Variants in GNB1L observed in about 807,000 individuals in gnomAD.
GNB1L encodes G protein subunit beta 1 like.
GNB1L carries 20 observed loss-of-function variants against 29.1 expected under a neutral mutation model. That is an observed-to-expected ratio of 0.69 (90% CI 0.48 to 1.00). The LOEUF (loss-of-function observed/expected upper bound fraction) is 1.00. Ranked by LOEUF, GNB1L falls within the 50% of genes least tolerant of loss-of-function variation. The pLI is 0.00. For missense variants in GNB1L, 421 were observed against 464.9 expected (o/e 0.91, Z 0.87); for synonymous variants, 193 against 206.5 (o/e 0.93, Z 0.56).
intron 2 of GNB1L, among the ~76,000 whole-genome samples, chr22:19,842,682 T>C (rs1186822230): frequency 1.3e-5 from 2 of 152,232 alleles, no homozygotes; most frequent in Non-Finnish European, 2.9e-5. Context: ...GTCCCTATCC[T>C]GTTACCTGCC....
chr22:19,829,822 C>T (rs1278155684), intron 2 of GNB1L, among the ~76,000 whole-genome samples: 1 of 152,028 alleles, frequency 6.6e-6, no homozygotes, highest in Admixed American at 6.6e-5. Flanking sequence ...AACAAACAGA[C>T]ATTGATGCAT....
intron 2 of GNB1L, chr22:19,848,141 A>C: frequency 1.0e-6 from 1 of 984,764 alleles, no homozygotes; most frequent in Non-Finnish European, 1.2e-6. Context: ...TTCCTATTTT[A>C]AAGTTTTCCT....
intron 2 of GNB1L, among the ~76,000 whole-genome samples, chr22:19,836,505 A>G (rs1184413854): frequency 6.6e-6 from 1 of 152,240 alleles, no homozygotes; most frequent in Non-Finnish European, 1.5e-5. Context: ...AAAACAGAAA[A>G]AGAGAGAACA....
intron 2 of GNB1L, among the ~76,000 whole-genome samples, chr22:19,835,386 A>C (rs1023968173): frequency 2.4e-4 from 36 of 150,682 alleles, no homozygotes; most frequent in Admixed American, 2.0e-3. Context: ...AAAAAAAAAA[A>C]AACAAACAAA....
At chr22:19,809,700 C>T (rs1018496817) in intron 5 of GNB1L, among the ~76,000 whole-genome samples, 4 of 152,196 alleles carry the variant, frequency 2.6e-5, no homozygotes, top group African/African-American at 7.2e-5. Context: ...ACCGAGGAAG[C>T]GAAACACACC....
At chr22:19,810,855 C>T (rs557961944) in intron 5 of GNB1L, among the ~76,000 whole-genome samples, 4 of 152,220 alleles carry the variant, frequency 2.6e-5, no homozygotes, top group Non-Finnish European at 4.4e-5. Flanking sequence ...CGGGAAAAGA[C>T]AGATGCTGCC....
At chr22:19,854,177 G>A (rs1193236216) in intron 2 of GNB1L, among the ~76,000 whole-genome samples, 1 of 152,188 alleles carries the variant, frequency 6.6e-6, no homozygotes, top group East Asian at 1.9e-4. Context: ...TGGCATAGAA[G>A]ACTTTCGGCC....
chr22:19,805,898 G>A (rs1238790241), intron 6 of GNB1L, among the ~76,000 whole-genome samples: 1 of 152,224 alleles, frequency 6.6e-6, no homozygotes, highest in Non-Finnish European at 1.5e-5. Flanking sequence ...CAGGGCTGAG[G>A]GGCTCTTTGC....
At position 19,806,670 on chromosome 22, in the gene GNB1L, G is replaced by C; in HGVS notation, c.505C>G (p.Arg169Gly). The C allele has an allele frequency of 6.2e-7, 1 of 1,609,894 alleles. No individual in the cohort carries two copies. Among genetic ancestry groups the C allele is most frequent in the Non-Finnish European group, 8.5e-7 (1 of 1,177,130 alleles). Residue 169 changes from arginine (R) to glycine (G), a missense_variant, in exon 6 of 8, where the codon CGG (arginine) becomes GGG (glycine). Arg to Gly is a moderately radical substitution (Grantham distance 125). Coordinates refer to ENST00000329517, the MANE Select transcript of GNB1L (RefSeq NM_053004.3). ...DAKLGMPMCL[R>G]LWQADCSSRP... ...ACGCGGGGCCTTACCTGCCACAGCC[G>C]CAGGCACATGGGCATGCCCAGCTTG...
rs1601362299 is a variant in GNB1L at position 19,854,834 on chromosome 22, C to A, written c.-132G>T. On this transcript the variant is annotated 5_prime_UTR_variant, in exon 1 of 8. Transcript: ENST00000329517. ...TCCACACTGACCCTCTTGCCGGAGT[C>A]GGGAACGCCTGCTCCTAGGAGCGCC... The A allele has an allele frequency of 1.3e-5, 2 of 152,432 alleles. No individual in the cohort carries two copies. Among genetic ancestry groups the A allele is most frequent in the Admixed American group, 1.3e-4 (2 of 15,310 alleles). 9.4% of individuals were successfully genotyped at this position (152,432 alleles called of 1,614,324 possible). A position where few individuals can be genotyped will look rare whatever the true frequency, so the allele number is the denominator to read the frequency against.
chr22:19,794,842 G>A (rs1937288556), intron 7 of GNB1L, among the ~76,000 whole-genome samples: 1 of 152,140 alleles, frequency 6.6e-6, no homozygotes, highest in East Asian at 1.9e-4. Flanking sequence ...TTAGCCGGGT[G>A]TGGTGGCGTG....
At chr22:19,850,341 T>C in intron 2 of GNB1L, 1 of 985,496 alleles carries the variant, frequency 1.0e-6, no homozygotes, top group Non-Finnish European at 1.2e-6. Flanking sequence ...AGGAGGGAGA[T>C]CCAAGTCATT....
In GNB1L at chr22:19,821,334, G is replaced by A. The variant is rs773543734; in HGVS notation, c.22C>T (p.Pro8Ser). ...AGGACAAACTGGGGGTCTGGAGGTG[G>A]CGGCGGGCAGGGGGCCGTCATGCTG... MTAPCPP[P>S]PPDPQFVLRG... Residue 8 changes from proline to serine, a missense_variant, in exon 3 of 8, where the codon CCA becomes TCA. Pro to Ser is a moderately conservative substitution (Grantham distance 74). Transcript: ENST00000329517. 1.2e-6 allele frequency: 2 copies of A among 1,612,896 alleles called. No individual in the cohort carries two copies. Among genetic ancestry groups the A allele is most frequent in the Non-Finnish European group, 1.7e-6 (2 of 1,179,708 alleles).
In GNB1L at chr22:19,820,696, C is replaced by G; in HGVS notation, c.156G>C (p.Trp52Cys). 1 of 1,613,576 alleles carries G rather than the reference C, an allele frequency of 6.2e-7. No homozygotes were observed. The highest frequency in any genetic ancestry group is 8.5e-7 in the Non-Finnish European group (1 of 1,179,798). ...SGSQSGLVHI[W>C]SLQTRRAVTT... ...TAACCGCTCTCCGCGTCTGCAGGCT[C>G]CAGATGTGTACCAGGCCACTCTGAG... Residue 52 changes from tryptophan (W) to cysteine (C), a missense_variant, in exon 4 of 8, where the codon TGG becomes TGC. Coordinates refer to ENST00000329517, the MANE Select transcript of GNB1L (RefSeq NM_053004.3).
intron 2 of GNB1L, among the ~76,000 whole-genome samples, chr22:19,854,242 T>C (rs1938182019): frequency 6.6e-6 from 1 of 152,208 alleles, no homozygotes; most frequent in Non-Finnish European, 1.5e-5. Context: ...CGCATGTGTG[T>C]TTGCCCCCAC....
chr22:19,795,210 A>G (rs1245226616), intron 7 of GNB1L, among the ~76,000 whole-genome samples: 1 of 152,208 alleles, frequency 6.6e-6, no homozygotes, highest in Non-Finnish European at 1.5e-5. Context: ...AGATGAGGTG[A>G]CATCTCAGCG....
chr22:19,808,713 A>G (rs1937464726), intron 5 of GNB1L, among the ~76,000 whole-genome samples: 1 of 152,084 alleles, frequency 6.6e-6, no homozygotes, highest in Non-Finnish European at 1.5e-5. Flanking sequence ...AGTAACAGCA[A>G]CTCCGGGACA....
Position 19,812,414 on chromosome 22 carries a change from G to T in GNB1L, c.288C>A (p.Asp96Glu), listed in dbSNP as rs749752974. The stretch of plus-strand genomic sequence containing the variant: ...CGACAGCGCTCCTGCCCTCCGCGAG[G>T]TCCCACAGGCACAGCTTCAGGTCCC... Reference protein sequence around the residue: ...QGRDLKLCLWDLAEGRSAVVD... With the variant: ...QGRDLKLCLWELAEGRSAVVD... Residue 96 changes from aspartate (D) to glutamate (E), a missense_variant, in exon 5 of 8, where the codon GAC becomes GAA. Asp to Glu is a conservative substitution (Grantham distance 45, BLOSUM62 2). Transcript: ENST00000329517. 6.2e-7 allele frequency: 1 copy of T among 1,613,296 alleles called. No homozygotes were observed. The highest frequency in any genetic ancestry group is 8.5e-7 in the Non-Finnish European group (1 of 1,179,844).
chr22:19,821,159 G>A (rs1455270155), intron 3 of GNB1L, 69 bp downstream of exon 3: 35 of 1,480,064 alleles, frequency 2.4e-5, no homozygotes, highest in Non-Finnish European at 3.1e-5. Flanking sequence ...CAAGCGCTGG[G>A]CTCCTTGCTA....
Sources: allele counts gnomAD v4.1 joint callset (sites outside exome capture counted in the v4.1 genomes callset), GRCh38; gene constraint gnomAD v4.1.1; transcripts MANE v1.5; gene names NCBI Gene and HGNC (gene_info 2026-07-23, HGNC 2026-07-21).